Variants in ENOX1 observed in about 807,000 individuals in gnomAD.
The protein encoded by ENOX1 is candidate growth-related and time keeping constitutive hydroquinone (NADH) oxidase.
ENOX1 carries 42 observed loss-of-function variants against 82.5 expected under a neutral mutation model. The observed-to-expected ratio is 0.51, with a 90% CI of 0.40 to 0.66. ENOX1 has a LOEUF of 0.66. Among genes scored for constraint, ENOX1 ranks in the 30% least tolerant of loss-of-function variants. The probability of loss-of-function intolerance (pLI) is 0.00; values close to 1 mark genes in which losing one functional copy is unlikely to be tolerated. For synonymous variants in ENOX1, 271 were observed against 282.2 expected (o/e 0.96, Z 0.40); for missense variants, 608 against 811.6 (o/e 0.75, Z 3.05).
At chr13:43,320,466 G>A (rs1267670219) in intron 11 of ENOX1, among the ~76,000 whole-genome samples, 3 of 152,092 alleles carry the variant, frequency 2.0e-5, no homozygotes, top group Non-Finnish European at 4.4e-5. Flanking sequence ...GAGAGGTGTC[G>A]GGGGATCACA....
chr13:43,641,726 G>A (rs2083663779), intron 2 of ENOX1, among the ~76,000 whole-genome samples: 1 of 151,294 alleles, frequency 6.6e-6, no homozygotes, highest in Admixed American at 6.6e-5. Flanking sequence ...GTAGAGATGG[G>A]GTTTCACCGT....
chr13:43,579,860 G>C (rs1270904153), intron 2 of ENOX1, among the ~76,000 whole-genome samples: 2 of 152,190 alleles, frequency 1.3e-5, no homozygotes, highest in Non-Finnish European at 2.9e-5. Flanking sequence ...ATATTCTACT[G>C]TAAGTGGAGG....
At chr13:43,395,056 G>A (rs578257939) in intron 5 of ENOX1, among the ~76,000 whole-genome samples, 4 of 152,036 alleles carry the variant, frequency 2.6e-5, no homozygotes, top group East Asian at 3.9e-4. Context: ...TGGGAATAGC[G>A]TGACACATTC....
At chr13:43,338,652 C>T (rs192073952) in intron 9 of ENOX1, among the ~76,000 whole-genome samples, 114 of 149,088 alleles carry the variant, frequency 7.6e-4, no homozygotes, top group African/African-American at 2.7e-3. Flanking sequence ...GAATGGATGC[C>T]ATACTCCCCA....
At chr13:43,357,880 C>T (rs964403037) in intron 7 of ENOX1, among the ~76,000 whole-genome samples, 5 of 152,178 alleles carry the variant, frequency 3.3e-5, no homozygotes, top group Non-Finnish European at 7.4e-5. Flanking sequence ...GGAGGGGCCG[C>T]CTGACTTCCT....
chr13:43,658,550 T>C (rs1555353271), intron 2 of ENOX1, among the ~76,000 whole-genome samples: 1 of 152,220 alleles, frequency 6.6e-6, no homozygotes, highest in Non-Finnish European at 1.5e-5. Context: ...TAATCATTGT[T>C]ATATTTAATT....
chr13:43,417,979 C>T (rs763886339), intron 3 of ENOX1, among the ~76,000 whole-genome samples: 16 of 152,136 alleles, frequency 1.1e-4, no homozygotes, highest in East Asian at 3.9e-4. Context: ...GAGGCCGAGG[C>T]GGGTGGATCA....
chr13:43,642,338 G>A (rs551578312), intron 2 of ENOX1, among the ~76,000 whole-genome samples: 1 of 152,210 alleles, frequency 6.6e-6, no homozygotes, highest in East Asian at 1.9e-4. Flanking sequence ...GCTGGAAGCT[G>A]AGAAAAATAC....
intron 12 of ENOX1, among the ~76,000 whole-genome samples, chr13:43,296,758 G>T (rs1008701535): frequency 6.6e-6 from 1 of 152,090 alleles, no homozygotes; most frequent in African/African-American, 2.4e-5. Flanking sequence ...CTTCTTTTAG[G>T]TTTGAATTTG....
chr13:43,219,523 A>G (rs1357786463), intron 16 of ENOX1, among the ~76,000 whole-genome samples: 1 of 152,096 alleles, frequency 6.6e-6, no homozygotes, highest in Non-Finnish European at 1.5e-5. Context: ...GGATTCTTCT[A>G]CCTGTTTTGT....
At chr13:43,472,173 A>G (rs983936535) in intron 3 of ENOX1, among the ~76,000 whole-genome samples, 2 of 152,142 alleles carry the variant, frequency 1.3e-5, no homozygotes, top group African/African-American at 2.4e-5. Context: ...ATACTTGCCA[A>G]TATATGTAAA....
intron 5 of ENOX1, among the ~76,000 whole-genome samples, chr13:43,410,722 C>A (rs1420971955): frequency 1.3e-5 from 2 of 151,642 alleles, no homozygotes; most frequent in African/African-American, 4.8e-5. Context: ...CAACAAAAAA[C>A]AAATGCTTGG....
intron 2 of ENOX1, among the ~76,000 whole-genome samples, chr13:43,527,166 C>T (rs1255812001): frequency 6.6e-6 from 1 of 151,444 alleles, no homozygotes; most frequent in Non-Finnish European, 1.5e-5. Context: ...CAAGACAGAA[C>T]CTCCCTCAAC....
At chr13:43,477,409 T>C (rs1261102022) in intron 3 of ENOX1, among the ~76,000 whole-genome samples, 1 of 152,108 alleles carries the variant, frequency 6.6e-6, no homozygotes, top group Middle Eastern at 3.2e-3. Flanking sequence ...ATTTGTTGTC[T>C]AAAAAAAGAA....
At chr13:43,325,719 A>G (rs2048073506) in intron 10 of ENOX1, among the ~76,000 whole-genome samples, 1 of 152,240 alleles carries the variant, frequency 6.6e-6, no homozygotes, top group Non-Finnish European at 1.5e-5. Context: ...CAAAGACAGT[A>G]TACTTACTTT....
intron 5 of ENOX1, among the ~76,000 whole-genome samples, chr13:43,381,479 A>AT (rs952421500): frequency 6.0e-5 from 9 of 151,044 alleles, no homozygotes; most frequent in East Asian, 3.9e-4. Flanking sequence ...TATAAAAAAA[A>AT]AAAACCTTAA....
intron 1 of ENOX1, among the ~76,000 whole-genome samples, chr13:43,781,471 A>G (rs1451910458): frequency 6.6e-6 from 1 of 152,150 alleles, no homozygotes; most frequent in Non-Finnish European, 1.5e-5. Flanking sequence ...TTTTACTTGA[A>G]AAACTACCAT....
chr13:43,769,406 C>A (rs1048459185), intron 1 of ENOX1, among the ~76,000 whole-genome samples: 1 of 151,740 alleles, frequency 6.6e-6, no homozygotes, highest in South Asian at 2.1e-4. Flanking sequence ...CCAGAAATCA[C>A]TGATTTCTAA....
intron 1 of ENOX1, among the ~76,000 whole-genome samples, chr13:43,714,707 G>T (rs1479442800): frequency 6.6e-6 from 1 of 152,092 alleles, no homozygotes; most frequent in African/African-American, 2.4e-5. Flanking sequence ...TTGGTTTAAA[G>T]TCTGTTTTAT....
Sources: allele counts gnomAD v4.1 joint callset (sites outside exome capture counted in the v4.1 genomes callset), GRCh38; gene constraint gnomAD v4.1.1; transcripts MANE v1.5; gene names NCBI Gene and HGNC (gene_info 2026-07-23, HGNC 2026-07-21).